PPP1R13B: variants seen among roughly 807,000 people sequenced by gnomAD.
The protein encoded by PPP1R13B is apoptosis-stimulating of p53 protein 1.
A neutral mutation model predicts 119.8 loss-of-function variants in PPP1R13B; 44 were observed. The observed-to-expected ratio is 0.37, with a 90% CI of 0.29 to 0.47. PPP1R13B has a LOEUF of 0.47. Among genes scored for constraint, PPP1R13B ranks in the 20% least tolerant of loss-of-function variants. The pLI is 0.99. For missense variants in PPP1R13B, 1,227 were observed against 1,413.5 expected (o/e 0.87, Z 2.12); for synonymous variants, 542 against 561.5 (o/e 0.97, Z 0.49).
At chr14:103,842,875 G>T (rs978357189) in intron 1 of PPP1R13B, among the ~76,000 whole-genome samples, 1 of 151,856 alleles carries the variant, frequency 6.6e-6, no homozygotes, top group Non-Finnish European at 1.5e-5. Flanking sequence ...TCCTTGGGAG[G>T]CTATGGTGGG....
At chr14:103,750,568 C>T (rs566164353) in intron 7 of PPP1R13B, among the ~76,000 whole-genome samples, 4 of 152,294 alleles carry the variant, frequency 2.6e-5, no homozygotes, top group East Asian at 3.9e-4. Flanking sequence ...CGGTGGCTCA[C>T]GCCTGTAATC....
chr14:103,787,650 A>ATTT (rs751638213), intron 2 of PPP1R13B, among the ~76,000 whole-genome samples: 3 of 113,664 alleles, frequency 2.6e-5, no homozygotes, highest in South Asian at 2.8e-4. Context: ...TAATTGCTAC[A>ATTT]TTTTTTTTTT....
At chr14:103,777,913 G>C (rs565105254) in intron 4 of PPP1R13B, among the ~76,000 whole-genome samples, 4 of 151,238 alleles carry the variant, frequency 2.6e-5, no homozygotes, top group Non-Finnish European at 5.9e-5. Context: ...TCCCGCCTCA[G>C]CCTCCTGAGT....
Position 103,788,540 on chromosome 14 carries a change from T to A in PPP1R13B, c.158-3626A>T, listed in dbSNP as rs184733596. On this transcript the variant is annotated intron_variant, in intron 2 of 16. Coordinates refer to ENST00000202556, the MANE Select transcript of PPP1R13B (RefSeq NM_015316.3). ...TTAGACTATAAAATAGCATTTCTCA[T>A]TAGCCAGGCATGACAGTGCACATCT... Among the ~76,000 whole-genome samples, 3 of 152,274 alleles carry A rather than the reference T, an allele frequency of 2.0e-5. No individual in the cohort carries two copies. The East Asian group carries it at 5.8e-4, about 29-fold the overall frequency.
chr14:103,842,985 C>G (rs1011900966), intron 1 of PPP1R13B, among the ~76,000 whole-genome samples: 1 of 151,158 alleles, frequency 6.6e-6, no homozygotes, highest in Non-Finnish European at 1.5e-5. Flanking sequence ...TGAAAACAAA[C>G]AAAAAAAGTA....
At chr14:103,770,201 A>G (rs776311505) in intron 4 of PPP1R13B, among the ~76,000 whole-genome samples, 1 of 152,050 alleles carries the variant, frequency 6.6e-6, no homozygotes, top group Non-Finnish European at 1.5e-5. Context: ...CCCAATATGA[A>G]TAAATTTTAA....
At chr14:103,775,349 A>G (rs1476632553) in intron 4 of PPP1R13B, among the ~76,000 whole-genome samples, 1 of 151,198 alleles carries the variant, frequency 6.6e-6, no homozygotes, top group Non-Finnish European at 1.5e-5. Context: ...ATCTCAGCTC[A>G]CTGCAACCTC....
At chr14:103,755,806 T>A (rs563153814) in intron 5 of PPP1R13B, among the ~76,000 whole-genome samples, 9 of 152,224 alleles carry the variant, frequency 5.9e-5, no homozygotes, top group Non-Finnish European at 1.3e-4. Flanking sequence ...TATTTTATCT[T>A]AGAAATCTTA....
At chr14:103,843,814 G>A (rs1026046422) in intron 1 of PPP1R13B, among the ~76,000 whole-genome samples, 10 of 152,150 alleles carry the variant, frequency 6.6e-5, no homozygotes, top group South Asian at 2.1e-4. Context: ...TTAGCTGGGC[G>A]TGGCGGCGCA....
chr14:103,793,852 G>C (rs80073686), intron 2 of PPP1R13B, among the ~76,000 whole-genome samples: 1 of 152,196 alleles, frequency 6.6e-6, no homozygotes, highest in African/African-American at 2.4e-5. Flanking sequence ...AGGCTGAACT[G>C]TGTCCCCGCT....
chr14:103,769,167 C>T (rs2085006701), intron 4 of PPP1R13B, among the ~76,000 whole-genome samples: 1 of 152,144 alleles, frequency 6.6e-6, no homozygotes, highest in Admixed American at 6.5e-5. Flanking sequence ...CTCACCGCAA[C>T]CTGTGCCTCC....
chr14:103,820,408 T>G (rs1178744448), intron 1 of PPP1R13B, among the ~76,000 whole-genome samples: 1 of 152,044 alleles, frequency 6.6e-6, no homozygotes, highest in East Asian at 1.9e-4. Context: ...AGTGTTGTTA[T>G]TGGCTTAGCA....
chr14:103,839,258 C>T (rs2086847724), intron 1 of PPP1R13B, among the ~76,000 whole-genome samples: 1 of 151,942 alleles, frequency 6.6e-6, no homozygotes, highest in South Asian at 2.1e-4. Context: ...GTGATCTGCC[C>T]ACCTCAGCCT....
In PPP1R13B at chr14:103,736,000, C is replaced by T. The variant is rs771537200; in HGVS notation, c.3231+3G>A. On this transcript the variant is annotated splice_donor_region_variant and intron_variant, in intron 16 of 16. Transcript: ENST00000202556. ...TTTCCCAGTAAGTAACCTGAGTGCT[C>T]ACCCCCAGCAGGTTTTTGGGCACAT... 1 of 1,614,094 alleles carries T rather than the reference C, an allele frequency of 6.2e-7. No individual in the cohort carries two copies. Among genetic ancestry groups the T allele is most frequent in the Non-Finnish European group, 8.5e-7 (1 of 1,179,994 alleles).
At chr14:103,737,902 T>C (rs1436092167) in intron 14 of PPP1R13B, 42 bp from the exon 15 acceptor site, 1 of 1,584,928 alleles carries the variant, frequency 6.3e-7, no homozygotes, top group Admixed American at 1.7e-5. Flanking sequence ...TGGCACTGCC[T>C]GTCCTGTAGG....
intron 1 of PPP1R13B, among the ~76,000 whole-genome samples, chr14:103,839,834 G>C (rs188662191): frequency 6.6e-6 from 1 of 152,024 alleles, no homozygotes; most frequent in South Asian, 2.1e-4. Flanking sequence ...GCATTTTCTT[G>C]AGCTATGATA....
At chr14:103,781,071 G>A (rs984495335) in intron 3 of PPP1R13B, among the ~76,000 whole-genome samples, 3 of 152,004 alleles carry the variant, frequency 2.0e-5, no homozygotes, top group African/African-American at 7.2e-5. Context: ...CCAAAGTGCT[G>A]GGATTACAGG....
rs143491105 is a variant in PPP1R13B, at chr14:103,790,037, A to C, written c.158-5123T>G. 8.9e-3 allele frequency among the ~76,000 whole-genome samples: 1,340 copies of C among 150,856 alleles called. 18 individuals carry two copies. The highest frequency in any genetic ancestry group is 0.031 in the African/African-American group (1,263 of 41,132). ...GAGGCAGGCATATCACTTGAGGTCA[A>C]GAGTTCCAGACCAGCCTGGCCAACA... On this transcript the variant is annotated intron_variant, in intron 2 of 16. Transcript: ENST00000202556.
chr14:103,799,776 G>C, intron 1 of PPP1R13B, among the ~76,000 whole-genome samples: 1 of 151,996 alleles, frequency 6.6e-6, no homozygotes, highest in Non-Finnish European at 1.5e-5. Flanking sequence ...GGCTAGGCAT[G>C]GTGGCTCACA....
Sources: gnomAD v4.1 joint callset for allele counts (sites outside exome capture counted in the v4.1 genomes callset) on GRCh38, gnomAD v4.1.1 for gene constraint, MANE v1.5 for transcripts, NCBI Gene and HGNC (gene_info 2026-07-23, HGNC 2026-07-21) for gene names.